The following DLC1 variants were observed in gnomAD, a reference collection of about 807,000 sequenced individuals.
DLC1 encodes the protein DLC1 Rho GTPase activating protein.
A neutral mutation model predicts 140.3 loss-of-function variants in DLC1; 54 were observed. The observed-to-expected ratio is 0.38, with a 90% CI of 0.31 to 0.48. The LOEUF (loss-of-function observed/expected upper bound fraction) is 0.48. Ranked by LOEUF, DLC1 falls within the 20% of genes least tolerant of loss-of-function variation. The pLI is 0.96. For synonymous variants in DLC1, 986 were observed against 728.1 expected, an observed-to-expected ratio of 1.35 and a Z score of -5.70; for missense variants, 2,536 against 1,907.0, an observed-to-expected ratio of 1.33 and a Z score of -6.14.
At chr8:13,160,755 C>G (rs1824627325) in intron 5 of DLC1, among the ~76,000 whole-genome samples, 1 of 152,086 alleles carries the variant, frequency 6.6e-6, no homozygotes, top group African/African-American at 2.4e-5. Context: ...TTTTGTGAAA[C>G]TACCATATGA....
At chr8:13,444,113 T>TG (rs1420730520) in intron 2 of DLC1, among the ~76,000 whole-genome samples, 1 of 152,022 alleles carries the variant, frequency 6.6e-6, no homozygotes, top group Non-Finnish European at 1.5e-5. Flanking sequence ...CTGGTTTGTT[T>TG]TTTTTGTAAA....
chr8:13,132,242 T>TGTGTGTGTGTGTGTG (rs1438491204), intron 5 of DLC1, among the ~76,000 whole-genome samples: 1 of 148,486 alleles, frequency 6.7e-6, no homozygotes, highest in South Asian at 2.2e-4. Context: ...TGTGTGTGTG[T>TGTGTGTGTGTGTGTG]TTCCTAGCAA....
At chr8:13,567,741 C>G (rs1162215969) in intron 1 of DLC1, 1 of 1,552,096 alleles carries the variant, frequency 6.4e-7, no homozygotes, top group Non-Finnish European at 8.7e-7. Flanking sequence ...CACATCAAGA[C>G]TTTCCCAGGC....
intron 1 of DLC1, chr8:13,567,990 C>T (rs921151972): frequency 1.4e-6 from 2 of 1,480,436 alleles, no homozygotes; most frequent in Non-Finnish European, 1.8e-6. Flanking sequence ...GAGTAATTAC[C>T]ATAATTTCTA....
intron 4 of DLC1, 27 bp from the exon 5 acceptor site, chr8:13,305,329 G>C: frequency 6.4e-7 from 1 of 1,561,972 alleles, no homozygotes; most frequent in Non-Finnish European, 8.6e-7. Flanking sequence ...AAAAATTGTG[G>C]TATTATTAGG....
chr8:13,232,916 G>T (rs1345302974), intron 5 of DLC1, among the ~76,000 whole-genome samples: 2 of 152,148 alleles, frequency 1.3e-5, no homozygotes, highest in African/African-American at 4.8e-5. Flanking sequence ...TCTTCTGTTT[G>T]TTTGCTTTCC....
chr8:13,219,756 C>A (rs564659115), intron 5 of DLC1, among the ~76,000 whole-genome samples: 1 of 151,836 alleles, frequency 6.6e-6, no homozygotes, highest in African/African-American at 2.4e-5. Flanking sequence ...TTTATAGCAA[C>A]CAAAAGTGGA....
intron 5 of DLC1, among the ~76,000 whole-genome samples, chr8:13,280,016 A>T (rs1831309730): frequency 1.3e-5 from 2 of 151,914 alleles, no homozygotes; most frequent in Admixed American, 1.3e-4. Flanking sequence ...GCGGTGGCTC[A>T]CACCTGTAAT....
At chr8:13,132,820 A>C (rs766698905) in intron 5 of DLC1, 264 of 1,206,202 alleles carry the variant, frequency 2.2e-4, no homozygotes, top group Non-Finnish European at 3.0e-4. Flanking sequence ...ACTCTGCAGA[A>C]AGCGTTTAAA....
Position 13,345,547 on chromosome 8 carries a change from C to CTTTTTTTTTTTTTTTTTTTTTTT in DLC1, c.1315-40268_1315-40246dup, listed in dbSNP as rs535092622. Reference sequence around the variant, plus strand: ...GATTATCTGAAATTTTTCACTCACACTTTTTTTTTTTTTTTTTTTTTTTGG... The same window carrying CTTTTTTTTTTTTTTTTTTTTTTT: ...GATTATCTGAAATTTTTCACTCACACTTTTTTTTTTTTTTTTTTTTTTTTTTTTTTTTTTTTTTTTTTTTTTGG... On this transcript the variant is annotated intron_variant, in intron 4 of 17. Coordinates refer to ENST00000276297, the MANE Select transcript of DLC1 (RefSeq NM_182643.3). Among the ~76,000 whole-genome samples the CTTTTTTTTTTTTTTTTTTTTTTT allele has an allele frequency of 5.8e-4, 39 of 67,516 alleles. 3 individuals are homozygous for CTTTTTTTTTTTTTTTTTTTTTTT. The highest frequency in any genetic ancestry group is 6.9e-4 in the Non-Finnish European group (27 of 38,918). 44.3% of individuals were successfully genotyped at this position (67,516 alleles called of 152,430 possible). A position where few individuals can be genotyped will look rare whatever the true frequency, so the allele number is the denominator to read the frequency against.
At chr8:13,525,404 A>G (rs1400768008) in intron 1 of DLC1, among the ~76,000 whole-genome samples, 1 of 151,920 alleles carries the variant, frequency 6.6e-6, no homozygotes, top group Non-Finnish European at 1.5e-5. Context: ...TTTACCTTTA[A>G]CTCTCTAACT....
intron 5 of DLC1, among the ~76,000 whole-genome samples, chr8:13,241,409 G>T (rs896129089): frequency 1.3e-5 from 2 of 152,014 alleles, no homozygotes; most frequent in African/African-American, 4.8e-5. Context: ...CCTGATTTGG[G>T]GTACATTTTT....
intron 5 of DLC1, among the ~76,000 whole-genome samples, chr8:13,259,987 G>C (rs1416901734): frequency 6.6e-6 from 1 of 152,154 alleles, no homozygotes; most frequent in Non-Finnish European, 1.5e-5. Flanking sequence ...TACAAGAGCA[G>C]GAGAAATGAA....
rs529182682 is a variant in DLC1 at position 13,178,021 on chromosome 8, T to C, written c.1349-62364A>G. The stretch of plus-strand genomic sequence containing the variant: ...TTGATTCTTATTTCAGTAGCTCTAA[T>C]ACATTTTAAATGAATTAAAAATAAT... On this transcript the variant is annotated intron_variant, in intron 5 of 17. Coordinates refer to ENST00000276297, the MANE Select transcript of DLC1 (RefSeq NM_182643.3). Among the ~76,000 whole-genome samples, 15 of 152,328 alleles carry C rather than the reference T, an allele frequency of 9.8e-5. No individual in the cohort carries two copies. In the South Asian group the frequency reaches 2.7e-3, roughly 27 times the overall value.
chr8:13,406,181 G>GATTTTTTTTT (rs1554514490), intron 2 of DLC1, among the ~76,000 whole-genome samples: 1 of 84,960 alleles, frequency 1.2e-5, no homozygotes, highest in Non-Finnish European at 2.2e-5. Context: ...TAATTTTTGT[G>GATTTTTTTTT]TTTTTTTTTT....
At chr8:13,289,853 T>A (rs1047421742) in intron 5 of DLC1, among the ~76,000 whole-genome samples, 1 of 152,210 alleles carries the variant, frequency 6.6e-6, no homozygotes, top group African/African-American at 2.4e-5. Flanking sequence ...CTGCCATGTC[T>A]GCATATGGAA....
intron 5 of DLC1, among the ~76,000 whole-genome samples, chr8:13,249,298 C>A (rs58685485): frequency 6.6e-6 from 1 of 151,824 alleles, no homozygotes; most frequent in Admixed American, 6.6e-5. Flanking sequence ...GGCTGGTCTC[C>A]AACTCTTGAC....
At chr8:13,415,097 C>T (rs1837989395) in intron 2 of DLC1, among the ~76,000 whole-genome samples, 1 of 152,128 alleles carries the variant, frequency 6.6e-6, no homozygotes, top group Admixed American at 6.5e-5. Context: ...TGGGCGTGAG[C>T]CACTGCGCCT....
intron 2 of DLC1, among the ~76,000 whole-genome samples, chr8:13,447,632 T>C (rs11203486): frequency 0.26 from 40,000 of 152,132 alleles, 6,552 homozygotes; most frequent in Middle Eastern, 0.39. Flanking sequence ...AACGTTATAA[T>C]AAAATATTTC....
Sources: allele counts gnomAD v4.1 joint callset (sites outside exome capture counted in the v4.1 genomes callset), GRCh38; gene constraint gnomAD v4.1.1; transcripts MANE v1.5; gene names NCBI Gene and HGNC (gene_info 2026-07-23, HGNC 2026-07-21).